CNTN5: variants seen among roughly 807,000 people sequenced by gnomAD.
CNTN5 encodes the protein contactin 5.
Under a neutral mutation model 129.1 loss-of-function variants are expected in CNTN5, and 77 were observed. That is an observed-to-expected ratio of 0.60 (90% CI 0.50 to 0.72). The LOEUF (loss-of-function observed/expected upper bound fraction) is 0.72, where lower values mean the gene tolerates loss of function less well. CNTN5 is among the 30% of genes least tolerant of loss of function. CNTN5 has a pLI of 0.00. For missense variants in CNTN5, 1,478 were observed against 1,328.8 expected (o/e 1.11, Z -1.75); for synonymous variants, 509 against 465.6 (o/e 1.09, Z -1.20).
chr11:100,118,302 G>C (rs1591275782), intron 13 of CNTN5, among the ~76,000 whole-genome samples: 1 of 151,932 alleles, frequency 6.6e-6, no homozygotes, highest in East Asian at 1.9e-4. Context: ...CATGACAGCA[G>C]AATGAAATTT....
At chr11:99,396,614 G>A (rs564623820) in intron 2 of CNTN5, among the ~76,000 whole-genome samples, 9 of 151,656 alleles carry the variant, frequency 5.9e-5, no homozygotes, top group African/African-American at 2.2e-4. Flanking sequence ...AAACCAAAGA[G>A]TAAGTAGTGA....
chr11:100,335,725 G>A (rs760475316), intron 21 of CNTN5, among the ~76,000 whole-genome samples: 1 of 151,000 alleles, frequency 6.6e-6, no homozygotes, highest in Non-Finnish European at 1.5e-5. Context: ...CTGAGATTAT[G>A]CAATTACACT....
At chr11:99,223,165 C>T (rs187914917) in intron 1 of CNTN5, among the ~76,000 whole-genome samples, 1 of 152,218 alleles carries the variant, frequency 6.6e-6, no homozygotes, top group Admixed American at 6.6e-5. Context: ...TTCATCCTAC[C>T]CTATATTATC....
intron 1 of CNTN5, among the ~76,000 whole-genome samples, chr11:99,165,039 G>C (rs1860808024): frequency 6.6e-6 from 1 of 152,090 alleles, no homozygotes; most frequent in Non-Finnish European, 1.5e-5. Flanking sequence ...TAGTTGTTGG[G>C]TAACACTAGC....
intron 2 of CNTN5, among the ~76,000 whole-genome samples, chr11:99,379,918 T>C (rs1258741422): frequency 6.6e-6 from 1 of 152,020 alleles, no homozygotes; most frequent in African/African-American, 2.4e-5. Context: ...AATACACATA[T>C]ATGTGTATAT....
chr11:100,087,316 CTATT>C (rs1401315374), intron 13 of CNTN5, among the ~76,000 whole-genome samples: 1 of 151,596 alleles, frequency 6.6e-6, no homozygotes, highest in Non-Finnish European at 1.5e-5. Flanking sequence ...AATTTCATAA[CTATT>C]AAATTAGTAG....
chr11:99,251,334 C>T (rs559211820), intron 1 of CNTN5, among the ~76,000 whole-genome samples: 2 of 151,930 alleles, frequency 1.3e-5, no homozygotes, highest in African/African-American at 4.8e-5. Context: ...TAAGATAATG[C>T]CTCCAGGTAT....
chr11:99,713,586 A>T (rs1769240770), intron 3 of CNTN5, among the ~76,000 whole-genome samples: 1 of 151,918 alleles, frequency 6.6e-6, no homozygotes. Context: ...TGGAGTGGAA[A>T]TTGCTTTCAG....
At position 100,056,428 on chromosome 11, in the gene CNTN5, GA is replaced by G. The variant is rs549251012; in HGVS notation, c.981-4774del. Among the ~76,000 whole-genome samples, 597 of 145,940 alleles carry G rather than the reference GA, an allele frequency of 4.1e-3. 1 individual carries two copies. The highest frequency in any genetic ancestry group is 5.4e-3 in the Non-Finnish European group (352 of 65,716). On this transcript the variant is annotated intron_variant, in intron 9 of 24. Transcript: ENST00000524871. ...AGATTAAAACAAAGTGACATACCAT[GA>G]AAAAAAAAAGCTAAAAATAATAGGA...
At chr11:99,289,907 T>C (rs1225972982) in intron 1 of CNTN5, among the ~76,000 whole-genome samples, 15 of 151,874 alleles carry the variant, frequency 9.9e-5, no homozygotes, top group Admixed American at 8.5e-4. Flanking sequence ...TCTAATGTGT[T>C]TGCATATGCA....
chr11:100,129,482 G>C (rs1370617988), intron 13 of CNTN5, among the ~76,000 whole-genome samples: 1 of 152,120 alleles, frequency 6.6e-6, no homozygotes, highest in Non-Finnish European at 1.5e-5. Context: ...ACCGAAGAAA[G>C]AGATTGCAAT....
rs189167705 is a variant in CNTN5 at position 100,109,310 on chromosome 11, C to G, written c.1580+35016C>G. Among the ~76,000 whole-genome samples, 72 of 152,262 alleles carry G rather than the reference C, an allele frequency of 4.7e-4. 1 individual carries two copies. Among genetic ancestry groups the G allele is most frequent in the Admixed American group, 5.9e-4 (9 of 15,302 alleles). ...GCGTGTTGACAGGCGCTTGTAATCC[C>G]AGCTACTCGGGAGGCTGAGGCAGGC... On this transcript the variant is annotated intron_variant, in intron 13 of 24. Transcript: ENST00000524871.
At chr11:100,220,981 C>G (rs988016156) in intron 15 of CNTN5, among the ~76,000 whole-genome samples, 10 of 152,158 alleles carry the variant, frequency 6.6e-5, no homozygotes, top group Non-Finnish European at 1.5e-4. Flanking sequence ...TGATCCTTGG[C>G]TGCACTAGTG....
Position 99,625,521 on chromosome 11 carries a change from A to G in CNTN5, c.55+69252A>G, listed in dbSNP as rs371935164. Among the ~76,000 whole-genome samples the G allele has an allele frequency of 2.0e-4, 30 of 152,252 alleles. No homozygotes were observed. The East Asian group carries it at 3.1e-3, about 16-fold the overall frequency. ...TTCAATACAGAAAAAGGAAATGTCA[A>G]TTTTCATTATTGTAACAACTGTACC... On this transcript the variant is annotated intron_variant, in intron 3 of 24. Transcript: ENST00000524871.
At chr11:99,280,868 T>G (rs11607433) in intron 1 of CNTN5, among the ~76,000 whole-genome samples, 17,523 of 151,688 alleles carry the variant, frequency 0.12, 1,026 homozygotes, top group African/African-American at 0.14. Flanking sequence ...TTATTAATAA[T>G]TATTAGTTAA....
intron 9 of CNTN5, among the ~76,000 whole-genome samples, chr11:100,059,821 CA>C (rs1466058763): frequency 6.6e-6 from 1 of 152,122 alleles, no homozygotes; most frequent in Admixed American, 6.6e-5. Context: ...TTTGATCCAT[CA>C]GTCCTGCTTT....
chr11:100,040,687 C>A (rs1942325513), intron 9 of CNTN5, among the ~76,000 whole-genome samples: 1 of 152,140 alleles, frequency 6.6e-6, no homozygotes, highest in African/African-American at 2.4e-5. Context: ...GGGCGCCCCT[C>A]CCCCAGCCTC....
chr11:99,448,348 A>C (rs1591075232), intron 2 of CNTN5, among the ~76,000 whole-genome samples: 2 of 152,334 alleles, frequency 1.3e-5, no homozygotes, highest in East Asian at 3.9e-4. Context: ...CATAAAAACC[A>C]TGGGAGGCTA....
intron 1 of CNTN5, among the ~76,000 whole-genome samples, chr11:99,205,866 A>G (rs543885580): frequency 6.6e-6 from 1 of 152,332 alleles, no homozygotes; most frequent in Non-Finnish European, 1.5e-5. Context: ...GGAGGATTAC[A>G]GGATTTCTGA....
Sources: allele counts gnomAD v4.1 joint callset (sites outside exome capture counted in the v4.1 genomes callset), GRCh38; gene constraint gnomAD v4.1.1; transcripts MANE v1.5; gene names NCBI Gene and HGNC (gene_info 2026-07-23, HGNC 2026-07-21).